The following ADARB2 variants were observed in gnomAD, a reference collection of about 807,000 sequenced individuals.
The protein encoded by ADARB2 is adenosine deaminase RNA specific B2 (inactive).
ADARB2 carries 25 observed loss-of-function variants against 62.2 expected under a neutral mutation model. The observed-to-expected ratio is 0.40, with a 90% CI of 0.29 to 0.56. The LOEUF is 0.56. Ranked by LOEUF, ADARB2 falls within the 20% of genes least tolerant of loss-of-function variation. The probability of loss-of-function intolerance (pLI) is 0.43; values close to 1 mark genes in which losing one functional copy is unlikely to be tolerated. For synonymous variants in ADARB2, 572 were observed against 500.8 expected, an observed-to-expected ratio of 1.14 and a Z score of -1.90; for missense variants, 1,071 against 1,077.4, an observed-to-expected ratio of 0.99 and a Z score of 0.08.
intron 3 of ADARB2, among the ~76,000 whole-genome samples, chr10:1,344,978 C>T (rs1475150860): frequency 6.6e-6 from 1 of 152,146 alleles, no homozygotes; most frequent in African/African-American, 2.4e-5. Flanking sequence ...CTTGGTGGCA[C>T]CAAAGAGGCA....
chr10:1,417,938 A>T (rs1489924296), intron 1 of ADARB2, among the ~76,000 whole-genome samples: 1 of 152,268 alleles, frequency 6.6e-6, no homozygotes, highest in Non-Finnish European at 1.5e-5. Context: ...GCGGACAGAG[A>T]TCTGCATATT....
intron 6 of ADARB2, among the ~76,000 whole-genome samples, chr10:1,232,503 T>C (rs1242759216): frequency 1.2e-5 from 1 of 83,742 alleles, no homozygotes; most frequent in Non-Finnish European, 3.2e-5. Context: ...TATGCATGTG[T>C]ATGTGGTATG....
intron 1 of ADARB2, among the ~76,000 whole-genome samples, chr10:1,507,155 C>T (rs370898780): frequency 2.0e-5 from 3 of 152,308 alleles, no homozygotes; most frequent in Admixed American, 6.5e-5. Context: ...CAGTGGCTGT[C>T]GAGTGACTTC....
intron 1 of ADARB2, among the ~76,000 whole-genome samples, chr10:1,561,718 G>C (rs1832787719): frequency 6.6e-6 from 1 of 152,100 alleles, no homozygotes; most frequent in South Asian, 2.1e-4. Context: ...CCGTACCCTA[G>C]AACTCCCCCC....
intron 1 of ADARB2, among the ~76,000 whole-genome samples, chr10:1,590,623 CT>C (rs762393265): frequency 2.6e-5 from 4 of 152,132 alleles, no homozygotes; most frequent in Non-Finnish European, 5.9e-5. Flanking sequence ...AAACCATGTG[CT>C]TTTGTCAGGC....
rs1488384208 is a variant in ADARB2, at chr10:1,326,819, C to G, written c.1077+36209G>C. Among the ~76,000 whole-genome samples, 62 of 129,210 alleles carry G rather than the reference C, an allele frequency of 4.8e-4. 1 individual carries two copies. Among genetic ancestry groups the G allele is most frequent in the African/African-American group, 1.8e-3 (58 of 32,466 alleles). The allele number at this position is 129,210 out of a possible 152,430, so 84.8% of individuals were successfully genotyped here. On this transcript the variant is annotated intron_variant, in intron 3 of 9. Coordinates refer to ENST00000381312, the MANE Select transcript of ADARB2 (RefSeq NM_018702.4). The stretch of plus-strand genomic sequence containing the variant: ...GCCTCCCCACGGCCCAGCGCCTCCC[C>G]ACGGCCCAGCGCCTCCCCACGGCCC...
chr10:1,634,565 T>C (rs931144868), intron 1 of ADARB2, among the ~76,000 whole-genome samples: 3 of 152,158 alleles, frequency 2.0e-5, no homozygotes, highest in African/African-American at 7.2e-5. Flanking sequence ...TCACTCCAGG[T>C]GTACAAGTGT....
At chr10:1,731,635 T>C (rs1835233163) in intron 1 of ADARB2, among the ~76,000 whole-genome samples, 1 of 152,248 alleles carries the variant, frequency 6.6e-6, no homozygotes, top group Non-Finnish European at 1.5e-5. Context: ...GCAGCCTCTG[T>C]TTCTCTGAGT....
Position 1,447,556 on chromosome 10 carries a change from T to TG in ADARB2, c.101-68397_101-68396insC, listed in dbSNP as rs375892417. Among the ~76,000 whole-genome samples the TG allele has an allele frequency of 1.4e-3, 218 of 152,204 alleles. 2 individuals are homozygous for TG. The highest frequency in any genetic ancestry group is 4.8e-3 in the African/African-American group (201 of 41,496). ...AGACAGATCATATGTAATTTTTTTTTTGTGTTTGTTTTGTTTGGTTGCTTT... is the reference window on the plus strand; with the variant it reads ...AGACAGATCATATGTAATTTTTTTTTGTGTGTTTGTTTTGTTTGGTTGCTTT... On this transcript the variant is annotated intron_variant, in intron 1 of 9. Transcript: ENST00000381312.
intron 3 of ADARB2, among the ~76,000 whole-genome samples, chr10:1,294,465 C>T (rs1192886712): frequency 6.6e-6 from 1 of 152,124 alleles, no homozygotes; most frequent in African/African-American, 2.4e-5. Context: ...GGGCCCTTGA[C>T]TCACCTGATG....
At chr10:1,667,648 C>T (rs1834330896) in intron 1 of ADARB2, among the ~76,000 whole-genome samples, 2 of 152,128 alleles carry the variant, frequency 1.3e-5, no homozygotes, top group Non-Finnish European at 2.9e-5. Context: ...GCAGCCCACA[C>T]TTAGCAGGCT....
intron 1 of ADARB2, among the ~76,000 whole-genome samples, chr10:1,699,233 C>A (rs1276165370): frequency 6.7e-6 from 1 of 148,280 alleles, no homozygotes; most frequent in African/African-American, 2.5e-5. Flanking sequence ...AGACCAGGCG[C>A]TCGCCAATAC....
At chr10:1,328,944 C>G (rs1251058370) in intron 3 of ADARB2, among the ~76,000 whole-genome samples, 1 of 142,120 alleles carries the variant, frequency 7.0e-6, no homozygotes, top group African/African-American at 2.7e-5. Flanking sequence ...CTGCAGTGAG[C>G]CATGATTGCA....
At chr10:1,521,023 T>C (rs986696471) in intron 1 of ADARB2, among the ~76,000 whole-genome samples, 1 of 152,158 alleles carries the variant, frequency 6.6e-6, no homozygotes, top group Non-Finnish European at 1.5e-5. Context: ...ATCCTGAAGT[T>C]TTCTTCTTTG....
At chr10:1,641,663 C>T (rs372812921) in intron 1 of ADARB2, among the ~76,000 whole-genome samples, 104 of 152,304 alleles carry the variant, frequency 6.8e-4, no homozygotes, top group African/African-American at 2.3e-3. Flanking sequence ...CATCTGCTAG[C>T]GTTCTGCTTT....
At chr10:1,195,675 G>T (rs1412093838) in intron 8 of ADARB2, among the ~76,000 whole-genome samples, 1 of 152,124 alleles carries the variant, frequency 6.6e-6, no homozygotes, top group Non-Finnish European at 1.5e-5. Flanking sequence ...TCCATGGAGA[G>T]GCTGATCCTG....
At chr10:1,648,799 C>T (rs977178215) in intron 1 of ADARB2, among the ~76,000 whole-genome samples, 3 of 152,146 alleles carry the variant, frequency 2.0e-5, no homozygotes, top group African/African-American at 7.2e-5. Context: ...TAGACGCCAT[C>T]TGCATTACAA....
chr10:1,219,652 ATGGTGATGGTGATGATAATGGTGG>A (rs1359159935), intron 6 of ADARB2, among the ~76,000 whole-genome samples: 4 of 152,338 alleles, frequency 2.6e-5, no homozygotes, highest in Admixed American at 1.3e-4. Flanking sequence ...TGCAGCTTTA[ATGGTGATGGTGATGATAATGGTGG>A]TGGTGATGGT....
rs145079274 is a variant in ADARB2 at position 1,487,372 on chromosome 10, G to A, written c.101-108212C>T. On this transcript the variant is annotated intron_variant, in intron 1 of 9. Coordinates refer to ENST00000381312, the MANE Select transcript of ADARB2 (RefSeq NM_018702.4). ...CTCCACACACACACTCACACTTCTC[G>A]TAAACAGAATTTGGCAAGATAAGCT... 4.1e-3 allele frequency among the ~76,000 whole-genome samples: 619 copies of A among 152,336 alleles called. 5 individuals are homozygous for A. The highest frequency in any genetic ancestry group is 6.9e-3 in the Non-Finnish European group (468 of 68,034).
Sources: allele counts gnomAD v4.1 joint callset (sites outside exome capture counted in the v4.1 genomes callset), GRCh38; gene constraint gnomAD v4.1.1; transcripts MANE v1.5; gene names NCBI Gene and HGNC (gene_info 2026-07-23, HGNC 2026-07-21).